CNTNAP5: variants seen among roughly 807,000 people sequenced by gnomAD.
CNTNAP5 encodes contactin-associated protein-like 5.
Under a neutral mutation model 150.2 loss-of-function variants are expected in CNTNAP5, and 72 were observed. The observed-to-expected ratio is 0.48, with a 90% confidence interval of 0.40 to 0.58. The LOEUF is 0.58. CNTNAP5 is among the 20% of genes least tolerant of loss of function. The pLI is 0.00. For missense variants in CNTNAP5, 1,636 were observed against 1,626.2 expected (o/e 1.01, Z -0.10); for synonymous variants, 672 against 619.8 (o/e 1.08, Z -1.25).
chr2:124,913,947 TGGGCA>T, intron 23 of CNTNAP5, 140 bp from the exon 24 acceptor site: 8 of 573,164 alleles, frequency 1.4e-5, no homozygotes, highest in Non-Finnish European at 2.5e-5. Flanking sequence ...TCTTTATTTC[TGGGCA>T]GGTGGCAGAG....
At chr2:124,122,065 G>T (rs1683575611) in intron 1 of CNTNAP5, among the ~76,000 whole-genome samples, 1 of 152,100 alleles carries the variant, frequency 6.6e-6, no homozygotes, top group South Asian at 2.1e-4. Flanking sequence ...AAATAGCTGT[G>T]GATTTATTAA....
chr2:124,735,737 T>C (rs1482996856), intron 13 of CNTNAP5, among the ~76,000 whole-genome samples: 1 of 152,174 alleles, frequency 6.6e-6, no homozygotes, highest in Admixed American at 6.5e-5. Context: ...CCTTTTTATT[T>C]TCTGTGTGAT....
chr2:124,229,934 T>G (rs569120927), intron 2 of CNTNAP5, among the ~76,000 whole-genome samples: 1 of 152,278 alleles, frequency 6.6e-6, no homozygotes, highest in African/African-American at 2.4e-5. Context: ...CCATTATGTT[T>G]ATCATTTGTT....
At position 124,628,547 on chromosome 2, in the gene CNTNAP5, G is replaced by A. The variant is rs10207065; in HGVS notation, c.1876+18627G>A. On this transcript the variant is annotated intron_variant, in intron 12 of 23. Transcript: ENST00000682447. ...ATTTTTTCACCAGCAGGCCTGCCTT[G>A]CAAGAGCTCCTGAAGGAAGCACTAA... 1.6e-3 allele frequency among the ~76,000 whole-genome samples: 243 copies of A among 152,236 alleles called. 1 individual carries two copies. Among genetic ancestry groups the A allele is most frequent in the African/African-American group, 5.7e-3 (238 of 41,542 alleles).
intron 12 of CNTNAP5, among the ~76,000 whole-genome samples, chr2:124,630,186 A>G (rs1266712507): frequency 6.6e-6 from 1 of 152,118 alleles, no homozygotes. Flanking sequence ...ACAATTCCAA[A>G]CAATTGAAAA....
intron 3 of CNTNAP5, among the ~76,000 whole-genome samples, chr2:124,307,421 A>T (rs1337169462): frequency 6.6e-6 from 1 of 152,134 alleles, no homozygotes; most frequent in African/African-American, 2.4e-5. Flanking sequence ...GAAGGACGCT[A>T]ACCTACTGTC....
At chr2:124,121,137 T>TACACAC (rs3981152) in intron 1 of CNTNAP5, among the ~76,000 whole-genome samples, 1,939 of 148,704 alleles carry the variant, frequency 0.013, 18 homozygotes, top group African/African-American at 0.018. Context: ...CTTATTGCCA[T>TACACAC]ACACACACAC....
At chr2:124,492,759 A>G (rs1198952302) in intron 7 of CNTNAP5, among the ~76,000 whole-genome samples, 1 of 151,818 alleles carries the variant, frequency 6.6e-6, no homozygotes, top group Non-Finnish European at 1.5e-5. Context: ...TGTTTATTTT[A>G]TTTTCATATA....
intron 11 of CNTNAP5, among the ~76,000 whole-genome samples, chr2:124,601,581 A>G (rs544390312): frequency 2.0e-5 from 3 of 152,372 alleles, no homozygotes; most frequent in Admixed American, 6.5e-5. Flanking sequence ...TATACGGAGC[A>G]AAGAAAGGAT....
intron 1 of CNTNAP5, among the ~76,000 whole-genome samples, chr2:124,185,665 G>C (rs956878228): frequency 6.6e-6 from 1 of 152,126 alleles, no homozygotes; most frequent in Non-Finnish European, 1.5e-5. Flanking sequence ...CTAAAGAAGA[G>C]CGTCTGTTTA....
chr2:124,174,756 T>A (rs1005583726), intron 1 of CNTNAP5, among the ~76,000 whole-genome samples: 1 of 152,216 alleles, frequency 6.6e-6, no homozygotes, highest in African/African-American at 2.4e-5. Flanking sequence ...TGAAAAACGT[T>A]CTACTTTGGA....
At chr2:124,081,359 T>A (rs1290259638) in intron 1 of CNTNAP5, among the ~76,000 whole-genome samples, 2 of 152,196 alleles carry the variant, frequency 1.3e-5, no homozygotes, top group Admixed American at 1.3e-4. Flanking sequence ...ACATTTTTCT[T>A]CCTCAGGGGA....
chr2:124,464,293 A>C (rs1264430337), intron 6 of CNTNAP5, among the ~76,000 whole-genome samples: 1 of 152,056 alleles, frequency 6.6e-6, no homozygotes, highest in Non-Finnish European at 1.5e-5. Flanking sequence ...TCTCTTACTC[A>C]ATGCTGGGCT....
At chr2:124,127,896 T>C (rs1186780994) in intron 1 of CNTNAP5, among the ~76,000 whole-genome samples, 4 of 152,200 alleles carry the variant, frequency 2.6e-5, no homozygotes, top group African/African-American at 7.2e-5. Context: ...TTACACCTTA[T>C]ACAAAAATTA....
At chr2:124,310,057 C>CT (rs68193263) in intron 3 of CNTNAP5, among the ~76,000 whole-genome samples, 9,765 of 144,598 alleles carry the variant, frequency 0.068, 365 homozygotes, top group Non-Finnish European at 0.085. Context: ...AATCTCTTAC[C>CT]TTTTTTTTTT....
At chr2:124,682,531 G>GCCACTGGA (rs1032719188) in intron 13 of CNTNAP5, among the ~76,000 whole-genome samples, 13 of 152,210 alleles carry the variant, frequency 8.5e-5, no homozygotes, top group African/African-American at 2.9e-4. Context: ...CAGGCTTCTG[G>GCCACTGGA]CCACTGGACC....
chr2:124,491,894 C>T (rs1694037983), intron 7 of CNTNAP5, among the ~76,000 whole-genome samples: 1 of 151,862 alleles, frequency 6.6e-6, no homozygotes, highest in Non-Finnish European at 1.5e-5. Context: ...ACTTCAATGT[C>T]CTCTTTGGAA....
chr2:124,164,622 T>C lies in CNTNAP5; in HGVS notation c.83-57083T>C, dbSNP rs1417319401. Among the ~76,000 whole-genome samples the C allele has an allele frequency of 2.6e-5, 4 of 152,126 alleles. No homozygotes were observed. In the South Asian group the frequency reaches 8.3e-4, roughly 32 times the overall value. On this transcript the variant is annotated intron_variant, in intron 1 of 23. Transcript: ENST00000682447. The stretch of plus-strand genomic sequence containing the variant: ...TGACACTAAAACACCTTTGATTTAT[T>C]GGACAATCTGCTAGAACACTAAAGT...
At chr2:124,563,844 C>T (rs1695948653) in intron 11 of CNTNAP5, among the ~76,000 whole-genome samples, 1 of 152,158 alleles carries the variant, frequency 6.6e-6, no homozygotes, top group South Asian at 2.1e-4. Flanking sequence ...GGGAGGGAAG[C>T]ACAGGGAAAC....
Sources: gnomAD v4.1 joint callset for allele counts (sites outside exome capture counted in the v4.1 genomes callset) on GRCh38, gnomAD v4.1.1 for gene constraint, MANE v1.5 for transcripts, NCBI Gene and HGNC (gene_info 2026-07-23, HGNC 2026-07-21) for gene names.